RERG: variants seen among roughly 807,000 people sequenced by gnomAD.
The protein encoded by RERG is ras-related and estrogen-regulated growth inhibitor.
A neutral mutation model predicts 23.2 loss-of-function variants in RERG; 25 were observed. The observed-to-expected ratio is 1.08, with a 90% CI of 0.79 to 1.50. The LOEUF is 1.50. Ranked by LOEUF, RERG falls within the 40% of genes most tolerant of loss-of-function variation. The pLI, the probability that RERG is intolerant of heterozygous loss-of-function variation, is 0.00. For missense variants in RERG, 253 were observed against 250.1 expected, an observed-to-expected ratio of 1.01 and a Z score of -0.08; for synonymous variants, 81 against 89.1, an observed-to-expected ratio of 0.91 and a Z score of 0.51.
At chr12:15,134,960 T>C (rs1366099834) in intron 2 of RERG, among the ~76,000 whole-genome samples, 1 of 152,222 alleles carries the variant, frequency 6.6e-6, no homozygotes, top group Non-Finnish European at 1.5e-5. Context: ...TACAATTTGC[T>C]GAAATTTTTA....
At chr12:15,167,738 T>C (rs989576527) in intron 2 of RERG, among the ~76,000 whole-genome samples, 2 of 152,198 alleles carry the variant, frequency 1.3e-5, no homozygotes, top group African/African-American at 4.8e-5. Flanking sequence ...AAATAAAGCA[T>C]TCCTTTTTTT....
At chr12:15,208,514 C>T (rs1172451456) in intron 2 of RERG, among the ~76,000 whole-genome samples, 1 of 151,974 alleles carries the variant, frequency 6.6e-6, no homozygotes, top group Non-Finnish European at 1.5e-5. Context: ...TTTATTAAGT[C>T]CTAGTATGTG....
chr12:15,203,092 C>T (rs1376257686), intron 2 of RERG, among the ~76,000 whole-genome samples: 1 of 151,616 alleles, frequency 6.6e-6, no homozygotes, highest in Non-Finnish European at 1.5e-5. Flanking sequence ...CAAATACCTG[C>T]TGGCCATATC....
At chr12:15,216,499 T>C (rs1042717713) in intron 2 of RERG, among the ~76,000 whole-genome samples, 1 of 152,252 alleles carries the variant, frequency 6.6e-6, no homozygotes, top group Non-Finnish European at 1.5e-5. Context: ...TAAGATTTTG[T>C]GGATTACCTA....
chr12:15,194,815 G>T (rs1865120468), intron 2 of RERG, among the ~76,000 whole-genome samples: 1 of 152,016 alleles, frequency 6.6e-6, no homozygotes, highest in Non-Finnish European at 1.5e-5. Flanking sequence ...AATTCACAGA[G>T]GAAATCTTAC....
intron 3 of RERG, among the ~76,000 whole-genome samples, chr12:15,117,468 C>G (rs1863743957): frequency 6.6e-6 from 1 of 152,046 alleles, no homozygotes; most frequent in Non-Finnish European, 1.5e-5. Flanking sequence ...ATGAACGATT[C>G]CAAGCAGCAG....
chr12:15,210,756 A>T (rs1419764448), intron 2 of RERG, among the ~76,000 whole-genome samples: 1 of 152,192 alleles, frequency 6.6e-6, no homozygotes, highest in African/African-American at 2.4e-5. Flanking sequence ...CTTGGGGTAG[A>T]AAAAACAAAT....
chr12:15,200,810 C>T (rs1865205577), intron 2 of RERG, among the ~76,000 whole-genome samples: 1 of 151,780 alleles, frequency 6.6e-6, no homozygotes, highest in South Asian at 2.1e-4. Context: ...TTTTAAAAGG[C>T]TTCTGAGTTT....
chr12:15,162,289 G>A (rs1864626681), intron 2 of RERG, among the ~76,000 whole-genome samples: 1 of 152,162 alleles, frequency 6.6e-6, no homozygotes, highest in South Asian at 2.1e-4. Context: ...CTGCCTCCAG[G>A]AGAAAGTATG....
intron 2 of RERG, among the ~76,000 whole-genome samples, chr12:15,147,968 G>C (rs1402902276): frequency 6.6e-6 from 1 of 152,188 alleles, no homozygotes; most frequent in Non-Finnish European, 1.5e-5. Context: ...CACTTACAGA[G>C]TGGTTAGACG....
chr12:15,207,067 A>T (rs1246577119), intron 2 of RERG, among the ~76,000 whole-genome samples: 1 of 152,172 alleles, frequency 6.6e-6, no homozygotes, highest in Non-Finnish European at 1.5e-5. Flanking sequence ...CTGCACCAAG[A>T]ACCAAAGACC....
rs1029972194 is a variant in RERG at position 15,169,628 on chromosome 12, T to C, written c.61+47801A>G. ...TGGAACCACACAGCCTCTGCCATCATGTGAGCCAGTTCCTTATAATAAATC... is the reference window on the plus strand; with the variant it reads ...TGGAACCACACAGCCTCTGCCATCACGTGAGCCAGTTCCTTATAATAAATC... On this transcript the variant is annotated intron_variant, in intron 2 of 4. Transcript: ENST00000256953. Among the ~76,000 whole-genome samples the C allele has an allele frequency of 8.5e-5, 13 of 152,212 alleles. No individual in the cohort carries two copies. The East Asian group carries it at 2.1e-3, about 25-fold the overall frequency.
chr12:15,152,304 G>T (rs866689198), intron 2 of RERG, among the ~76,000 whole-genome samples: 6 of 152,100 alleles, frequency 3.9e-5, no homozygotes, highest in Admixed American at 2.0e-4. Context: ...GACTTGGAAT[G>T]CTTCAAATGC....
intron 2 of RERG, among the ~76,000 whole-genome samples, chr12:15,126,779 G>A (rs553394950): frequency 4.3e-5 from 6 of 140,142 alleles, no homozygotes; most frequent in African/African-American, 8.0e-5. Context: ...CTGGAGTGGC[G>A]CAATCTCGGC....
At chr12:15,142,128 T>C (rs74071033) in intron 2 of RERG, among the ~76,000 whole-genome samples, 2,561 of 152,330 alleles carry the variant, frequency 0.017, 64 homozygotes, top group African/African-American at 0.058. Flanking sequence ...TCACAAAATA[T>C]TGATTATTCT....
chr12:15,129,279 A>C (rs1464961571), intron 2 of RERG, among the ~76,000 whole-genome samples: 1 of 79,984 alleles, frequency 1.3e-5, no homozygotes, highest in Non-Finnish European at 2.9e-5. Context: ...ATAAGATGTC[A>C]AAAAAAAAAA....
chr12:15,219,020 CT>C (rs1865481334), intron 1 of RERG, among the ~76,000 whole-genome samples: 1 of 152,128 alleles, frequency 6.6e-6, no homozygotes, highest in African/African-American at 2.4e-5. Flanking sequence ...AGCCTCACAT[CT>C]TTTACACGGA....
chr12:15,142,606 C>T (rs567331242), intron 2 of RERG, among the ~76,000 whole-genome samples: 4 of 152,036 alleles, frequency 2.6e-5, no homozygotes, highest in South Asian at 2.1e-4. Flanking sequence ...TGTTTGGTGG[C>T]GACTTATCAA....
At chr12:15,116,803 A>G (rs1345321533) in intron 3 of RERG, among the ~76,000 whole-genome samples, 3 of 152,236 alleles carry the variant, frequency 2.0e-5, no homozygotes, top group African/African-American at 4.8e-5. Context: ...ATCTTAATAC[A>G]TAAAAGAAAA....
Sources: allele counts gnomAD v4.1 joint callset (sites outside exome capture counted in the v4.1 genomes callset), GRCh38; gene constraint gnomAD v4.1.1; transcripts MANE v1.5; gene names NCBI Gene and HGNC (gene_info 2026-07-23, HGNC 2026-07-21).